CPE: variants seen among roughly 807,000 people sequenced by gnomAD.
The protein encoded by CPE is carbocypeptidase E.
In CPE, 17 loss-of-function variants were observed where a neutral mutation model predicts 53.5. The ratio of observed to expected loss-of-function variants is 0.32; its 90% CI spans 0.22 to 0.48. CPE has a LOEUF of 0.48. CPE is among the 20% of genes least tolerant of loss of function. The probability of loss-of-function intolerance (pLI) is 0.99; values close to 1 mark genes in which losing one functional copy is unlikely to be tolerated. For missense variants in CPE, 524 were observed against 614.7 expected (o/e 0.85, Z 1.56); for synonymous variants, 226 against 228.8 (o/e 0.99, Z 0.11).
intron 3 of CPE, among the ~76,000 whole-genome samples, chr4:165,469,677 T>A (rs892838243): frequency 1.3e-5 from 2 of 152,238 alleles, no homozygotes; most frequent in Admixed American, 1.3e-4. Flanking sequence ...GCTTTATGTA[T>A]GTTATTTGTT....
intron 1 of CPE, among the ~76,000 whole-genome samples, chr4:165,384,898 A>G (rs1188834627): frequency 6.6e-6 from 1 of 152,222 alleles, no homozygotes; most frequent in African/African-American, 2.4e-5. Context: ...AGTTTTGCTT[A>G]GAATCAGAGC....
chr4:165,412,822 C>G lies in CPE; in HGVS notation c.307+33294C>G, dbSNP rs147736508. ...TCTAGAGTCATCATCTTCACCTCTT[C>G]AATGCTTCAGTCATTGGCTTCCCAG... is the stretch of plus-strand genomic sequence containing the variant. On this transcript the variant is annotated intron_variant, in intron 1 of 8. Coordinates refer to ENST00000402744, the MANE Select transcript of CPE (RefSeq NM_001873.4). Among the ~76,000 whole-genome samples, 83 of 152,340 alleles carry G rather than the reference C, an allele frequency of 5.4e-4. 1 individual carries two copies. Among genetic ancestry groups the G allele is most frequent in the African/African-American group, 1.9e-3 (78 of 41,582 alleles).
intron 4 of CPE, among the ~76,000 whole-genome samples, chr4:165,483,347 T>C (rs992716114): frequency 1.3e-5 from 2 of 152,238 alleles, no homozygotes; most frequent in Non-Finnish European, 2.9e-5. Context: ...TGCTTAGTAT[T>C]GCATAGTGTA....
chr4:165,389,196 G>T (rs1222509270), intron 1 of CPE, among the ~76,000 whole-genome samples: 1 of 152,116 alleles, frequency 6.6e-6, no homozygotes, highest in East Asian at 1.9e-4. Flanking sequence ...ACTGAAATAC[G>T]ATCTAGACAT....
intron 1 of CPE, among the ~76,000 whole-genome samples, chr4:165,436,941 G>T (rs745549372): frequency 6.6e-6 from 1 of 152,180 alleles, no homozygotes; most frequent in Non-Finnish European, 1.5e-5. Context: ...AGAAAAAAAG[G>T]CATGCAAAAT....
In CPE at chr4:165,379,397, T is replaced by A. The variant is rs775998001; in HGVS notation, c.176T>A (p.Leu59Gln). The stretch of plus-strand genomic sequence containing the variant: ...TTCGAGTACCACCGCTACCCCGAGC[T>A]GCGCGAGGCGCTCGTGTCCGTGTGG... ...ISFEYHRYPE[L>Q]REALVSVWLQ... The change falls in exon 1 of 9, where the codon CTG (leucine) becomes CAG (glutamine). Residue 59 changes from leucine to glutamine, a missense_variant. By Grantham distance (113) the Leu-to-Gln change is moderately radical. Transcript: ENST00000402744. This position sits in a 1 kb window ranked among gnomAD's most constrained non-coding sequence, Gnocchi z 6.0. 6.2e-7 allele frequency: 1 copy of A among 1,609,976 alleles called. No homozygotes were observed. Among genetic ancestry groups the A allele is most frequent in the South Asian group, 1.1e-5 (1 of 90,460 alleles).
chr4:165,428,179 A>G (rs148262351), intron 1 of CPE, among the ~76,000 whole-genome samples: 5 of 152,264 alleles, frequency 3.3e-5, no homozygotes, highest in South Asian at 2.1e-4. Flanking sequence ...ATATAGACAC[A>G]TGCTGCTATG....
intron 1 of CPE, among the ~76,000 whole-genome samples, chr4:165,432,201 T>C (rs1050605966): frequency 3.3e-5 from 5 of 152,222 alleles, no homozygotes; most frequent in Non-Finnish European, 5.9e-5. Flanking sequence ...TGAGCATAGC[T>C]ACATTCTTGC....
intron 8 of CPE, among the ~76,000 whole-genome samples, chr4:165,497,141 C>T (rs1222027832): frequency 2.0e-5 from 3 of 151,998 alleles, no homozygotes; most frequent in Non-Finnish European, 4.4e-5. Flanking sequence ...AGGCGGGCCT[C>T]GAATTCTTGA....
intron 1 of CPE, among the ~76,000 whole-genome samples, chr4:165,399,737 T>A (rs1730836510): frequency 6.6e-6 from 1 of 152,170 alleles, no homozygotes; most frequent in East Asian, 1.9e-4. Context: ...TATGTTATGA[T>A]AAGATAGAAA....
At chr4:165,412,067 G>A (rs1731050698) in intron 1 of CPE, among the ~76,000 whole-genome samples, 1 of 152,220 alleles carries the variant, frequency 6.6e-6, no homozygotes, top group Admixed American at 6.5e-5. Context: ...TACAGGCAGA[G>A]CAGGATTCAG....
At chr4:165,400,321 G>A (rs2126660742) in intron 1 of CPE, among the ~76,000 whole-genome samples, 1 of 152,210 alleles carries the variant, frequency 6.6e-6, no homozygotes, top group South Asian at 2.1e-4. Context: ...GACTGAGGGA[G>A]GGAGAATAGG....
chr4:165,380,952 T>A (rs1365985335), intron 1 of CPE, among the ~76,000 whole-genome samples: 1 of 152,210 alleles, frequency 6.6e-6, no homozygotes, highest in Middle Eastern at 3.2e-3. Context: ...ATGTGATAAC[T>A]GATTTTCAGC....
At chr4:165,425,508 G>A (rs1471305861) in intron 1 of CPE, among the ~76,000 whole-genome samples, 1 of 151,896 alleles carries the variant, frequency 6.6e-6, no homozygotes, top group African/African-American at 2.4e-5. Flanking sequence ...TCCTGTTTAG[G>A]AAAACAGAAA....
At chr4:165,486,130 G>A (rs1276907243) in intron 5 of CPE, among the ~76,000 whole-genome samples, 2 of 152,130 alleles carry the variant, frequency 1.3e-5, no homozygotes, top group Non-Finnish European at 2.9e-5. Flanking sequence ...CAGGAATTGG[G>A]GGTGAGAGAT....
intron 8 of CPE, 113 bp downstream of exon 8, chr4:165,495,790 A>G (rs1242051555): frequency 3.2e-6 from 2 of 618,928 alleles, no homozygotes; most frequent in East Asian, 3.0e-5. Flanking sequence ...TGAGGTAGGC[A>G]ACATTGTTAT....
intron 3 of CPE, among the ~76,000 whole-genome samples, chr4:165,477,895 T>A (rs11734444): frequency 7.8e-4 from 119 of 152,264 alleles, no homozygotes; most frequent in African/African-American, 2.7e-3. Context: ...CTCCTTGTTC[T>A]TCTGAACTTC....
At chr4:165,387,117 A>G (rs1275258295) in intron 1 of CPE, among the ~76,000 whole-genome samples, 1 of 152,182 alleles carries the variant, frequency 6.6e-6, no homozygotes, top group Non-Finnish European at 1.5e-5. Context: ...TCTAACAGCC[A>G]GCTTTTTCTA....
intron 1 of CPE, among the ~76,000 whole-genome samples, chr4:165,413,154 C>T (rs1731066603): frequency 6.6e-6 from 1 of 152,194 alleles, no homozygotes; most frequent in African/African-American, 2.4e-5. Context: ...ACATTCTTTT[C>T]TTCCCCTCTT....
Sources: allele counts gnomAD v4.1 joint callset (sites outside exome capture counted in the v4.1 genomes callset), GRCh38; gene constraint gnomAD v4.1.1; non-coding constraint Gnocchi (gnomAD v3.1); transcripts MANE v1.5; gene names NCBI Gene and HGNC (gene_info 2026-07-23, HGNC 2026-07-21).